The following GPRIN2 variants were observed in gnomAD, a reference collection of about 807,000 sequenced individuals.
GPRIN2 encodes the protein G protein-regulated inducer of neurite outgrowth 2.
GPRIN2 carries 1 observed loss-of-function variant against 0.3 expected under a neutral mutation model. The observed-to-expected ratio is 3.90, with a 90% CI of 1.39 to 18.51. The LOEUF is 18.51. Among genes scored for constraint, GPRIN2 ranks in the 30% most tolerant of loss-of-function variants. The pLI is 0.11. For missense variants in GPRIN2, 880 were observed against 604.2 expected, an observed-to-expected ratio of 1.46 and a Z score of -4.79; for synonymous variants, 361 against 258.6, an observed-to-expected ratio of 1.40 and a Z score of -3.80.
chr10:46,554,992 G>A (rs1279930199), intron 1 of GPRIN2, among the ~76,000 whole-genome samples: 5 of 152,310 alleles, frequency 3.3e-5, no homozygotes, highest in African/African-American at 1.2e-4. Flanking sequence ...TGTCTCCCAG[G>A]CTCGAGTACA....
chr10:46,547,466 C>G lies in GPRIN2; in HGVS notation c.*1894G>C, dbSNP rs1565189633. On this transcript the variant is annotated 3_prime_UTR_variant, in exon 3 of 3. Transcript: ENST00000374314. ...CCAACAAACGCTCCAAATGAGCCGC[C>G]ACTGCAGAAACTCATTATGGCCCAG... is the stretch of plus-strand genomic sequence containing the variant. Among the ~76,000 whole-genome samples, 1 of 152,308 alleles carries G rather than the reference C, an allele frequency of 6.6e-6. No individual in the cohort carries two copies. The highest frequency in any genetic ancestry group is 2.4e-5 in the African/African-American group (1 of 41,484).
upstream of GPRIN2, among the ~76,000 whole-genome samples, chr10:46,557,292 C>T (rs1447478429): frequency 1.3e-5 from 2 of 152,420 alleles, no homozygotes; most frequent in Middle Eastern, 3.4e-3. Context: ...TCTCATGGAC[C>T]CCAAACCTCA....
At position 46,550,750 on chromosome 10, in the gene GPRIN2, A is replaced by G. The variant is rs1842506420; in HGVS notation, c.-6-8T>C. The stretch of plus-strand genomic sequence containing the variant: ...GCTGGAGCTCATGGCTGCCTGCAGA[A>G]GAGAGAAAGGGAGGGAGTGGAGTTG... On this transcript the variant is annotated splice_polypyrimidine_tract_variant and splice_region_variant and intron_variant, in intron 2 of 2. Coordinates refer to ENST00000374314, the MANE Select transcript of GPRIN2 (RefSeq NM_001385282.1). 1.3e-6 allele frequency: 2 copies of G among 1,501,036 alleles called. No individual in the cohort carries two copies. Among genetic ancestry groups the G allele is most frequent in the Non-Finnish European group, 1.8e-6 (2 of 1,127,008 alleles). The allele number at this position is 1,501,036 out of a possible 1,614,324, so 93.0% of individuals were successfully genotyped here.
rs1841966517 is a variant in GPRIN2 at position 46,544,256 on chromosome 10, G to T, written c.*5104C>A. On this transcript the variant is annotated 3_prime_UTR_variant, in exon 3 of 3. Coordinates refer to ENST00000374314, the MANE Select transcript of GPRIN2 (RefSeq NM_001385282.1). ...GCCTTTCATAATACAAGATGGACAG[G>T]AAAGAGGCCAAGGGCAGGCAGTTCC... 6.6e-6 allele frequency among the ~76,000 whole-genome samples: 1 copy of T among 152,310 alleles called. No individual in the cohort carries two copies. The highest frequency in any genetic ancestry group is 2.4e-5 in the African/African-American group (1 of 41,488).
chr10:46,552,627 G>T (rs1832110888), intron 2 of GPRIN2, among the ~76,000 whole-genome samples: 1 of 152,430 alleles, frequency 6.6e-6, no homozygotes, highest in East Asian at 1.9e-4. Flanking sequence ...TTCCTGCGAT[G>T]ATGGAAAGAT....
In GPRIN2 at chr10:46,549,193, G is replaced by C; in HGVS notation, c.*167C>G. ...TTAAGAAAACAGCCCAGCTGTGTAGGGCCGGAAGCCCCAGGCTGCAGTCCT... is the reference window on the plus strand; with the variant it reads ...TTAAGAAAACAGCCCAGCTGTGTAGCGCCGGAAGCCCCAGGCTGCAGTCCT... On this transcript the variant is annotated 3_prime_UTR_variant, in exon 3 of 3. Transcript: ENST00000374314. 1.1e-6 allele frequency: 1 copy of C among 890,894 alleles called. No individual in the cohort carries two copies. The highest frequency in any genetic ancestry group is 1.6e-6 in the Non-Finnish European group (1 of 625,870). The allele number at this position is 890,894 out of a possible 1,614,324, so 55.2% of individuals were successfully genotyped here.
At position 46,550,626 on chromosome 10, in the gene GPRIN2, T is replaced by C. The variant is rs1832300628; in HGVS notation, c.111A>G (p.Pro37=). Residue 37 remains proline, a synonymous_variant, in exon 3 of 3, where the codon CCA becomes CCG. Transcript: ENST00000374314. ...SLLGEGREQR[P]ELRKTASSTV... is the part of the protein sequence containing the mutation. Reference sequence around the variant, plus strand: ...TGCTGCTGGCAGTCTTGCGGAGCTCTGGCCTCTGTTCCCGGCCTTCACCCA... The same window carrying C: ...TGCTGCTGGCAGTCTTGCGGAGCTCCGGCCTCTGTTCCCGGCCTTCACCCA... 1 of 1,579,054 alleles carries C rather than the reference T, an allele frequency of 6.3e-7. No homozygotes were observed. The highest frequency in any genetic ancestry group is 8.6e-7 in the Non-Finnish European group (1 of 1,163,168).
intron 2 of GPRIN2, among the ~76,000 whole-genome samples, chr10:46,553,750 C>A (rs1832030136): frequency 2.0e-5 from 3 of 152,424 alleles, no homozygotes; most frequent in African/African-American, 4.8e-5. Context: ...AAAACTGAGG[C>A]CTGGAGCAGC....
chr10:46,557,035 C>T (rs1843325424), upstream of GPRIN2, among the ~76,000 whole-genome samples: 1 of 146,752 alleles, frequency 6.8e-6, no homozygotes, highest in South Asian at 2.3e-4. Flanking sequence ...CAGTGCCCCT[C>T]GCTCCAGTTC....
chr10:46,544,475 C>T lies in GPRIN2; in HGVS notation c.*4885G>A, dbSNP rs1404823879. On this transcript the variant is annotated 3_prime_UTR_variant, in exon 3 of 3. Transcript: ENST00000374314. ...AGTAGCTGAGGCTACAGATGCACAC[C>T]ACCATGCCCAGCTAATTTTTGTATT... Among the ~76,000 whole-genome samples, 1 of 152,312 alleles carries T rather than the reference C, an allele frequency of 6.6e-6. No individual in the cohort carries two copies. Among genetic ancestry groups the T allele is most frequent in the Non-Finnish European group, 1.5e-5 (1 of 68,058 alleles).
At chr10:46,552,511 T>G (rs1047732500) in intron 2 of GPRIN2, among the ~76,000 whole-genome samples, 1 of 152,310 alleles carries the variant, frequency 6.6e-6, no homozygotes, top group Non-Finnish European at 1.5e-5. Context: ...TCTGTGTAAT[T>G]ACAAATGTCC....
rs2131606819 is a variant in GPRIN2 at position 46,549,238 on chromosome 10, T to C, written c.*122A>G. On this transcript the variant is annotated 3_prime_UTR_variant, in exon 3 of 3. Coordinates refer to ENST00000374314, the MANE Select transcript of GPRIN2 (RefSeq NM_001385282.1). ...AGTCCTGTGGTCTGGAGGCAGCCAATATTCAGGTGAGAGATGTGCCCAGCT... is the reference window on the plus strand; with the variant it reads ...AGTCCTGTGGTCTGGAGGCAGCCAACATTCAGGTGAGAGATGTGCCCAGCT... The C allele has an allele frequency of 7.7e-7, 1 of 1,293,708 alleles. No individual in the cohort carries two copies. Among genetic ancestry groups the C allele is most frequent in the Non-Finnish European group, 1.0e-6 (1 of 978,108 alleles). 80.1% of individuals were successfully genotyped at this position (1,293,708 alleles called of 1,614,324 possible).
intron 2 of GPRIN2, among the ~76,000 whole-genome samples, chr10:46,553,128 T>A (rs934839794): frequency 2.0e-5 from 3 of 152,306 alleles, no homozygotes; most frequent in Admixed American, 1.3e-4. Context: ...TTCCATAAGC[T>A]CAGAGAGGCT....
In GPRIN2 at chr10:46,548,216, C is replaced by A. The variant is rs1842343273; in HGVS notation, c.*1144G>T. 6.6e-6 allele frequency among the ~76,000 whole-genome samples: 1 copy of A among 152,182 alleles called. No individual in the cohort carries two copies. Among genetic ancestry groups the A allele is most frequent in the African/African-American group, 2.4e-5 (1 of 41,450 alleles). ...CCATTCTTCACAGGCCTCGAGAAAT[C>A]TTTGGGCAATGAAGTCAGACTGTGC... is the stretch of plus-strand genomic sequence containing the variant. On this transcript the variant is annotated 3_prime_UTR_variant, in exon 3 of 3. Coordinates refer to ENST00000374314, the MANE Select transcript of GPRIN2 (RefSeq NM_001385282.1).
At position 46,550,823 on chromosome 10, in the gene GPRIN2, G is replaced by T. The variant is rs1406317125; in HGVS notation, c.-6-81C>A. On this transcript the variant is annotated intron_variant, in intron 2 of 2. Transcript: ENST00000374314. ...CGATTCTACTATGAACTCCCACAGTGCTAGGTTCACCAGGGAGCCACCTTC... is the reference window on the plus strand; with the variant it reads ...CGATTCTACTATGAACTCCCACAGTTCTAGGTTCACCAGGGAGCCACCTTC... 4.3e-6 allele frequency: 6 copies of T among 1,404,390 alleles called. No individual in the cohort carries two copies. In the South Asian group the frequency reaches 1.1e-4, roughly 26 times the overall value. The allele number at this position is 1,404,390 out of a possible 1,614,324, so 87.0% of individuals were successfully genotyped here. A position where few individuals can be genotyped will look rare whatever the true frequency, so the allele number is the denominator to read the frequency against.
chr10:46,550,008 A>G lies in GPRIN2; in HGVS notation c.729T>C (p.Ala243=). Residue 243 remains alanine (A), a synonymous_variant, in exon 3 of 3, where the codon GCT becomes GCC. Transcript: ENST00000374314. ...ALLCGMREVR[A]GGCCHALPAT... ...CAGGTAGGGCATGGCAGCAGCCACCAGCCCTCACCTCCCTCATGCCACAGA... is the reference window on the plus strand; with the variant it reads ...CAGGTAGGGCATGGCAGCAGCCACCGGCCCTCACCTCCCTCATGCCACAGA... 1.8e-6 allele frequency: 2 copies of G among 1,135,384 alleles called. No individual in the cohort carries two copies. Among genetic ancestry groups the G allele is most frequent in the East Asian group, 2.5e-5 (1 of 40,582 alleles). The allele number at this position is 1,135,384 out of a possible 1,614,324, so 70.3% of individuals were successfully genotyped here. A position where few individuals can be genotyped will look rare whatever the true frequency, so the allele number is the denominator to read the frequency against.
rs1055689374 is a variant in GPRIN2, at chr10:46,551,573, C to A, written c.-6-831G>T. 5.4e-6 allele frequency: 5 copies of A among 921,632 alleles called. No homozygotes were observed. In the East Asian group the frequency reaches 5.9e-4, roughly 108 times the overall value. The allele number at this position is 921,632 out of a possible 1,614,324, so 57.1% of individuals were successfully genotyped here. On this transcript the variant is annotated intron_variant, in intron 2 of 2. Transcript: ENST00000374314. ...TGGGATTCATTCAGACCTTTCTGTA[C>A]CCCTGGGGACGGTGCAGCAGTGAGA...
At chr10:46,554,021 C>T (rs1401157803) in intron 2 of GPRIN2, among the ~76,000 whole-genome samples, 3 of 152,310 alleles carry the variant, frequency 2.0e-5, no homozygotes, top group African/African-American at 7.2e-5. Context: ...TGTGCATGTA[C>T]TCACAGGTGG....
Position 46,541,984 on chromosome 10 carries a change from C to A in GPRIN2, c.*7376G>T, listed in dbSNP as rs1841798848. On this transcript the variant is annotated 3_prime_UTR_variant, in exon 3 of 3. Coordinates refer to ENST00000374314, the MANE Select transcript of GPRIN2 (RefSeq NM_001385282.1). ...TTGAAATCTTCACAAGAAGCCCTTG[C>A]CCATCTCCCTGAATACCCCCAACTC... Among the ~76,000 whole-genome samples, 1 of 152,302 alleles carries A rather than the reference C, an allele frequency of 6.6e-6. No individual in the cohort carries two copies. Among genetic ancestry groups the A allele is most frequent in the Admixed American group, 6.5e-5 (1 of 15,292 alleles).
Sources: gnomAD v4.1 joint callset for allele counts (sites outside exome capture counted in the v4.1 genomes callset) on GRCh38, gnomAD v4.1.1 for gene constraint, MANE v1.5 for transcripts, NCBI Gene and HGNC (gene_info 2026-07-23, HGNC 2026-07-21) for gene names.